FTO: variants seen among roughly 807,000 people sequenced by gnomAD.
FTO encodes alpha-ketoglutarate-dependent dioxygenase FTO.
FTO carries 47 observed loss-of-function variants against 63.9 expected under a neutral mutation model. That is an observed-to-expected ratio of 0.74 (90% CI 0.58 to 0.94). The LOEUF (loss-of-function observed/expected upper bound fraction) is 0.94, where lower values mean the gene tolerates loss of function less well. Ranked by LOEUF, FTO falls within the 40% of genes least tolerant of loss-of-function variation. FTO has a pLI of 0.00. For missense variants in FTO, 562 were observed against 618.1 expected, an observed-to-expected ratio of 0.91 and a Z score of 0.96; for synonymous variants, 207 against 224.4, an observed-to-expected ratio of 0.92 and a Z score of 0.69.
chr16:53,970,194 G>A (rs1197841923), intron 8 of FTO, among the ~76,000 whole-genome samples: 1 of 152,126 alleles, frequency 6.6e-6, no homozygotes, highest in African/African-American at 2.4e-5. Context: ...CGTTTAAAAG[G>A]GAATTCAAAT....
chr16:53,795,102 G>A (rs933868443), intron 1 of FTO, among the ~76,000 whole-genome samples: 3 of 152,004 alleles, frequency 2.0e-5, no homozygotes, highest in African/African-American at 7.2e-5. Flanking sequence ...ATGCAGAAAT[G>A]GAAGAGGAAC....
At chr16:54,102,113 C>G (rs1268878525) in intron 8 of FTO, among the ~76,000 whole-genome samples, 3 of 152,158 alleles carry the variant, frequency 2.0e-5, no homozygotes, top group Admixed American at 2.0e-4. Flanking sequence ...TGCAGGTCAT[C>G]TGTTTACTCT....
At chr16:53,716,904 G>A (rs2075907107) in intron 1 of FTO, among the ~76,000 whole-genome samples, 2 of 150,428 alleles carry the variant, frequency 1.3e-5, no homozygotes, top group Non-Finnish European at 3.0e-5. Flanking sequence ...AATATATACA[G>A]TATGACTAAT....
chr16:53,808,041 A>C (rs1388308897), intron 1 of FTO, among the ~76,000 whole-genome samples: 1 of 152,162 alleles, frequency 6.6e-6, no homozygotes, highest in African/African-American at 2.4e-5. Flanking sequence ...ATGGTAGCTC[A>C]CTTCTGTAAT....
At chr16:54,111,739 A>C (rs2086893460) in intron 8 of FTO, 23 bp from the exon 9 acceptor site, 1 of 1,613,856 alleles carries the variant, frequency 6.2e-7, no homozygotes. Flanking sequence ...CCGTGGATTA[A>C]TTTCCTATTT....
At chr16:53,834,565 T>G (rs2151796892) in intron 3 of FTO, among the ~76,000 whole-genome samples, 1 of 152,348 alleles carries the variant, frequency 6.6e-6, no homozygotes, top group South Asian at 2.1e-4. Flanking sequence ...AATTAAACAC[T>G]TGTAAAGTGC....
intron 2 of FTO, among the ~76,000 whole-genome samples, chr16:53,822,032 T>C (rs78965501): frequency 0.019 from 2,913 of 152,208 alleles, 48 homozygotes; most frequent in Middle Eastern, 0.031. Context: ...ATGGCCATCA[T>C]TTTTCACTGG....
intron 7 of FTO, among the ~76,000 whole-genome samples, chr16:53,924,932 G>GCCTCACAAAAGAGC (rs1344194355): frequency 2.6e-5 from 4 of 152,102 alleles, no homozygotes; most frequent in Non-Finnish European, 5.9e-5. Flanking sequence ...AGCCAAAGAG[G>GCCTCACAAAAGAGC]CCTCACAAAA....
chr16:53,846,316 G>A (rs546791230), intron 4 of FTO, among the ~76,000 whole-genome samples: 2 of 152,080 alleles, frequency 1.3e-5, no homozygotes, highest in South Asian at 4.2e-4. Context: ...TCATTTGTAG[G>A]TAAACATTGT....
intron 2 of FTO, among the ~76,000 whole-genome samples, chr16:53,812,585 C>T (rs1045830946): frequency 6.6e-5 from 10 of 152,062 alleles, no homozygotes; most frequent in East Asian, 1.9e-4. Flanking sequence ...CGTTCAGTGC[C>T]GGGTACCTAT....
intron 7 of FTO, among the ~76,000 whole-genome samples, chr16:53,905,011 T>A (rs1167223860): frequency 2.6e-5 from 4 of 152,100 alleles, no homozygotes; most frequent in African/African-American, 9.7e-5. Context: ...CAATATTTTC[T>A]AATAAAGACA....
In FTO at chr16:54,097,805, A is replaced by G. The variant is rs144467177; in HGVS notation, c.1365-13957A>G. Among the ~76,000 whole-genome samples the G allele has an allele frequency of 7.9e-4, 120 of 152,288 alleles. 1 individual carries two copies. Among genetic ancestry groups the G allele is most frequent in the Admixed American group, 5.7e-3 (87 of 15,306 alleles). ...CAGAGAAAAATAGGACAGTGAAGGA[A>G]GATGGGGAGTGCTAGAGTTGGGGGA... On this transcript the variant is annotated intron_variant, in intron 8 of 8. Transcript: ENST00000471389.
intron 8 of FTO, among the ~76,000 whole-genome samples, chr16:53,950,072 A>ATTT (rs71146713): frequency 1.1e-4 from 14 of 130,144 alleles, no homozygotes; most frequent in African/African-American, 3.8e-4. Flanking sequence ...TTATTTAAAC[A>ATTT]TTTTTTTTTT....
Position 54,076,332 on chromosome 16 carries a change from A to C in FTO, c.1365-35430A>C, listed in dbSNP as rs139561018. ...AGGACTGAGGAGTCAATAGATGATT[A>C]ACCTGCCTTTCTCCTCTTCATGAGA... On this transcript the variant is annotated intron_variant, in intron 8 of 8. Transcript: ENST00000471389. 6.5e-3 allele frequency among the ~76,000 whole-genome samples: 987 copies of C among 152,336 alleles called. 11 individuals are homozygous for C. The highest frequency in any genetic ancestry group is 0.022 in the African/African-American group (931 of 41,580).
At chr16:53,725,448 T>C (rs770385386) in intron 1 of FTO, among the ~76,000 whole-genome samples, 1 of 152,250 alleles carries the variant, frequency 6.6e-6, no homozygotes, top group African/African-American at 2.4e-5. Context: ...TGTGTACTTA[T>C]GGCTTGGAAT....
chr16:53,843,036 A>T (rs957353977), intron 3 of FTO, among the ~76,000 whole-genome samples: 1 of 152,186 alleles, frequency 6.6e-6, no homozygotes, highest in South Asian at 2.1e-4. Context: ...TATATTAGAT[A>T]GTTCCATATC....
intron 5 of FTO, 72 bp downstream of exon 5, chr16:53,873,937 T>C (rs541459362): frequency 1.8e-6 from 2 of 1,131,338 alleles, no homozygotes; most frequent in African/African-American, 1.5e-5. Flanking sequence ...CAATTTACTA[T>C]AGAGCTTTGG....
At chr16:53,987,495 A>C (rs1027877069) in intron 8 of FTO, among the ~76,000 whole-genome samples, 1 of 151,686 alleles carries the variant, frequency 6.6e-6, no homozygotes, top group Non-Finnish European at 1.5e-5. Flanking sequence ...AGGCAGGAAA[A>C]TTGCTTGAAC....
chr16:53,770,016 T>G (rs1007610946), intron 1 of FTO, among the ~76,000 whole-genome samples: 5 of 152,024 alleles, frequency 3.3e-5, no homozygotes, highest in African/African-American at 1.2e-4. Flanking sequence ...TGGCCAGAAC[T>G]CAGCAGGAAG....
Sources: gnomAD v4.1 joint callset for allele counts (sites outside exome capture counted in the v4.1 genomes callset) on GRCh38, gnomAD v4.1.1 for gene constraint, MANE v1.5 for transcripts, NCBI Gene and HGNC (gene_info 2026-07-23, HGNC 2026-07-21) for gene names.